MATN2: variants seen among roughly 807,000 people sequenced by gnomAD.
MATN2 encodes matrilin 2.
A neutral mutation model predicts 103.2 loss-of-function variants in MATN2; 69 were observed. The ratio of observed to expected loss-of-function variants is 0.67; its 90% CI spans 0.55 to 0.82. The LOEUF (loss-of-function observed/expected upper bound fraction) is 0.82. MATN2 is among the 40% of genes least tolerant of loss of function. The pLI is 0.00. For missense variants in MATN2, 1,023 were observed against 1,211.5 expected (o/e 0.84, Z 2.31); for synonymous variants, 429 against 450.2 (o/e 0.95, Z 0.60).
At chr8:98,030,187 T>C (rs534553522) in intron 14 of MATN2, among the ~76,000 whole-genome samples, 3 of 152,326 alleles carry the variant, frequency 2.0e-5, no homozygotes, top group Non-Finnish European at 4.4e-5. Flanking sequence ...CAGGGGGAAG[T>C]TGCAGATTTG....
intron 4 of MATN2, among the ~76,000 whole-genome samples, chr8:97,942,511 C>T (rs17829645): frequency 0.12 from 18,154 of 152,206 alleles, 1,368 homozygotes; most frequent in Non-Finnish European, 0.18. Context: ...TAGTCTACCC[C>T]TTAAAGGACA....
At chr8:97,920,159 T>C (rs575757814) in intron 2 of MATN2, among the ~76,000 whole-genome samples, 51 of 152,316 alleles carry the variant, frequency 3.3e-4, no homozygotes, top group Admixed American at 2.6e-3. Flanking sequence ...GAAATTGCTT[T>C]GATGGAATAG....
intron 14 of MATN2, among the ~76,000 whole-genome samples, chr8:98,029,463 T>G (rs1813926883): frequency 6.6e-6 from 1 of 152,214 alleles, no homozygotes; most frequent in South Asian, 2.1e-4. Flanking sequence ...TAGCAGAAAC[T>G]GATGTTTACT....
chr8:97,966,154 T>A (rs1294935742), intron 5 of MATN2, among the ~76,000 whole-genome samples: 1 of 151,148 alleles, frequency 6.6e-6, no homozygotes, highest in Non-Finnish European at 1.5e-5. Flanking sequence ...CAAGACCTTG[T>A]CTCAAAAAAA....
chr8:98,026,367 T>C (rs1813809142), intron 13 of MATN2, among the ~76,000 whole-genome samples: 1 of 151,836 alleles, frequency 6.6e-6, no homozygotes, highest in South Asian at 2.1e-4. Context: ...TCCGGTAATC[T>C]TTCTGCCTCA....
intron 5 of MATN2, among the ~76,000 whole-genome samples, chr8:97,971,493 G>T (rs1811653585): frequency 6.6e-6 from 1 of 152,150 alleles, no homozygotes; most frequent in South Asian, 2.1e-4. Context: ...CGTATTCAAT[G>T]GTGGATTGCT....
chr8:97,943,049 C>A (rs1563682329), intron 4 of MATN2, among the ~76,000 whole-genome samples: 1 of 152,126 alleles, frequency 6.6e-6, no homozygotes, highest in Admixed American at 6.5e-5. Context: ...AAGTTGAGTG[C>A]AGCCTGAATC....
intron 6 of MATN2, among the ~76,000 whole-genome samples, chr8:97,980,206 A>G (rs1318484688): frequency 6.6e-6 from 1 of 152,244 alleles, no homozygotes; most frequent in Non-Finnish European, 1.5e-5. Context: ...TGTAGTCTCC[A>G]TGCCCCGTGC....
intron 1 of MATN2, among the ~76,000 whole-genome samples, chr8:97,881,355 C>T (rs1442361953): frequency 6.6e-6 from 1 of 152,210 alleles, no homozygotes; most frequent in African/African-American, 2.4e-5. Flanking sequence ...TCAAGGCCCA[C>T]ACCATACAGT....
intron 5 of MATN2, among the ~76,000 whole-genome samples, chr8:97,969,889 T>C (rs1811600790): frequency 6.6e-6 from 1 of 152,270 alleles, no homozygotes; most frequent in Admixed American, 6.5e-5. Flanking sequence ...GACAAGAAAG[T>C]GTGGGCAGCA....
At chr8:97,885,177 C>T (rs187745034) in intron 1 of MATN2, among the ~76,000 whole-genome samples, 17 of 152,222 alleles carry the variant, frequency 1.1e-4, no homozygotes, top group East Asian at 3.9e-4. Context: ...GCATATGCCT[C>T]GGAGTGGAAG....
chr8:97,888,210 A>T lies in MATN2; in HGVS notation c.110A>T (p.His37Leu). The T allele has an allele frequency of 6.3e-7, 1 of 1,588,694 alleles. No individual in the cohort carries two copies. The highest frequency in any genetic ancestry group is 8.6e-7 in the Non-Finnish European group (1 of 1,165,500). Residue 37 changes from histidine (H) to leucine (L), a missense_variant, in exon 2 of 19, where the codon CAC becomes CTC. Transcript: ENST00000254898. ...SRGRSISRGRHARTHPQTALL... is the reference protein window; with the variant it reads ...SRGRSISRGRLARTHPQTALL... Reference sequence around the variant, plus strand: ...GGGAGGTCCATCTCTAGGGGCAGACACGCTCGGACCCACCCGCAGACGGCC... The same window carrying T: ...GGGAGGTCCATCTCTAGGGGCAGACTCGCTCGGACCCACCCGCAGACGGCC...
chr8:97,932,162 A>G (rs1586060210), intron 3 of MATN2, among the ~76,000 whole-genome samples: 2 of 152,194 alleles, frequency 1.3e-5, no homozygotes, highest in South Asian at 4.1e-4. Flanking sequence ...CCCAAACCAC[A>G]GAATGAGGAA....
At position 98,033,612 on chromosome 8, in the gene MATN2, T is replaced by C. The variant is rs777194179; in HGVS notation, c.2768T>C (p.Met923Thr). ...CAATGCAAATGTGAAAACCTTATAA[T>C]GTTCCAGAACCTTGCAAACGAAGAA... The part of the protein sequence containing the change: ...HDQCKCENLI[M>T]FQNLANEEVR... Residue 923 changes from methionine to threonine, a missense_variant, in exon 18 of 19, where the codon ATG becomes ACG. Met to Thr is a moderately conservative substitution (Grantham distance 81). Transcript: ENST00000254898. 6.2e-7 allele frequency: 1 copy of C among 1,607,542 alleles called. No homozygotes were observed. The highest frequency in any genetic ancestry group is 2.2e-5 in the East Asian group (1 of 44,834).
At chr8:97,884,677 A>G (rs746966514) in intron 1 of MATN2, among the ~76,000 whole-genome samples, 1 of 152,006 alleles carries the variant, frequency 6.6e-6, no homozygotes, top group Non-Finnish European at 1.5e-5. Flanking sequence ...CGGCTGAGGC[A>G]TGAGAATTGC....
rs1586059543 is a variant in MATN2, at chr8:97,931,645, G to A, written c.712+123G>A. 3.2e-6 allele frequency: 3 copies of A among 928,048 alleles called. No homozygotes were observed. The East Asian group carries it at 7.8e-5, about 24-fold the overall frequency. The allele number at this position is 928,048 out of a possible 1,614,324, so 57.5% of individuals were successfully genotyped here. A position where few individuals can be genotyped will look rare whatever the true frequency, so the allele number is the denominator to read the frequency against. On this transcript the variant is annotated intron_variant, in intron 3 of 18. Coordinates refer to ENST00000254898, the MANE Select transcript of MATN2 (RefSeq NM_002380.5). The surrounding 1 kb of genome is among the most constrained non-coding windows in gnomAD (Gnocchi z 4.1). ...TGCTGGCAATAGGTTTTCAACAAAG[G>A]CCAAGATAAACACAACGTGCTCCAG...
intron 1 of MATN2, among the ~76,000 whole-genome samples, chr8:97,884,312 G>C (rs561708940): frequency 6.6e-6 from 1 of 151,748 alleles, no homozygotes; most frequent in Admixed American, 6.6e-5. Flanking sequence ...AGCTAATTTT[G>C]TATTTTTAGT....
At chr8:97,890,236 G>A (rs1342327601) in intron 2 of MATN2, among the ~76,000 whole-genome samples, 1 of 152,188 alleles carries the variant, frequency 6.6e-6, no homozygotes, top group Non-Finnish European at 1.5e-5. Context: ...GGAGGCCGAG[G>A]TGGGCGGATC....
intron 3 of MATN2, among the ~76,000 whole-genome samples, chr8:97,933,091 C>T (rs1417682346): frequency 6.6e-6 from 1 of 152,154 alleles, no homozygotes; most frequent in Non-Finnish European, 1.5e-5. Flanking sequence ...TCAAAAAGCA[C>T]AGAGATCTCA....
Sources: gnomAD v4.1 joint callset for allele counts (sites outside exome capture counted in the v4.1 genomes callset) on GRCh38, gnomAD v4.1.1 for gene constraint, Gnocchi (gnomAD v3.1) non-coding constraint, MANE v1.5 for transcripts, NCBI Gene and HGNC (gene_info 2026-07-23, HGNC 2026-07-21) for gene names.